Variants in TIE1 observed in about 807,000 individuals in gnomAD.
TIE1 encodes the protein tyrosine-protein kinase receptor Tie-1.
Under a neutral mutation model 130.5 loss-of-function variants are expected in TIE1, and 89 were observed. The observed-to-expected ratio is 0.68, with a 90% CI of 0.57 to 0.81. TIE1 has a LOEUF of 0.81. Among genes scored for constraint, TIE1 ranks in the 40% least tolerant of loss-of-function variants. TIE1 has a pLI of 0.00. For synonymous variants in TIE1, 568 were observed against 629.4 expected (o/e 0.90, Z 1.46); for missense variants, 1,392 against 1,559.8 (o/e 0.89, Z 1.81).
Position 43,307,575 on chromosome 1 carries a change from A to T in TIE1, c.913+3A>T. 6.2e-7 allele frequency: 1 copy of T among 1,614,042 alleles called. No individual in the cohort carries two copies. The highest frequency in any genetic ancestry group is 1.3e-5 in the African/African-American group (1 of 75,030). On this transcript the variant is annotated splice_donor_region_variant and intron_variant, in intron 6 of 22. Transcript: ENST00000372476. The surrounding 1 kb of genome is among the most constrained non-coding windows in gnomAD (Gnocchi z 5.4). ...GAGAGGAAGCCAGTGCCAAGAAGGT[A>T]TGCCTAACCTACCCTCATGGTCCCT...
chr1:43,313,241 TGTG>T lies in TIE1; in HGVS notation c.2036_2038del (p.Val679del). 3.7e-6 allele frequency: 6 copies of T among 1,613,840 alleles called. No individual in the cohort carries two copies. Among genetic ancestry groups the T allele is most frequent in the Non-Finnish European group, 5.1e-6 (6 of 1,179,872 alleles). ...TGCCTGGGCCAATATCCAAGTACGT[TGTG>T]GAGGTGCAGGTGGCTGGGGGTGCAG... is the stretch of plus-strand genomic sequence containing the variant. On this transcript the variant is annotated inframe_deletion, in exon 13 of 23. Coordinates refer to ENST00000372476, the MANE Select transcript of TIE1 (RefSeq NM_005424.5). The surrounding 1 kb of genome is among the most constrained non-coding windows in gnomAD (Gnocchi z 6.2).
In TIE1 at chr1:43,317,210, C is replaced by T. The variant is rs749183315; in HGVS notation, c.2421C>T (p.Thr807=). The change falls in exon 15 of 23, where the codon ACC becomes ACT. Residue 807 remains threonine, a synonymous_variant. Transcript: ENST00000372476. The surrounding 1 kb of genome is among the most constrained non-coding windows in gnomAD (Gnocchi z 5.1). ...FTYQSGSGEE[T]ILQFSSGTLT... is the part of the protein sequence containing the mutation. ...CTCATCCTGTGAAGGGCGAGGAGAC[C>T]ATCCTGCAGTTCAGCTCAGGGACCT... 13 of 1,614,050 alleles carry T rather than the reference C, an allele frequency of 8.1e-6. No individual in the cohort carries two copies. The South Asian group carries it at 1.4e-4, about 18-fold the overall frequency.
Position 43,311,678 on chromosome 1 carries a change from C to A in TIE1, c.1341C>A (p.Pro447=). ...RRFKVNVKVP[P]VPLAAPRLLT... Reference sequence around the variant, plus strand: ...CCCTGAGTCTCCTGGCAGTGCCCCCCGTGCCCCTGGCTGCACCTCGGCTCC... The same window carrying A: ...CCCTGAGTCTCCTGGCAGTGCCCCCAGTGCCCCTGGCTGCACCTCGGCTCC... The change falls in exon 10 of 23, where the codon CCC becomes CCA. Residue 447 remains proline (P), a synonymous_variant. Coordinates refer to ENST00000372476, the MANE Select transcript of TIE1 (RefSeq NM_005424.5). 3.7e-6 allele frequency: 6 copies of A among 1,612,446 alleles called. No individual in the cohort carries two copies. Among genetic ancestry groups the A allele is most frequent in the Non-Finnish European group, 4.2e-6 (5 of 1,179,472 alleles).
Position 43,313,236 on chromosome 1 carries a change from T to C in TIE1, c.2029T>C (p.Tyr677His). ...GGCTCTGCCTGGGCCAATATCCAAG[T>C]ACGTTGTGGAGGTGCAGGTGGCTGG... ...PEALPGPISK[Y>H]VVEVQVAGGA... is the part of the protein sequence containing the mutation. Residue 677 changes from tyrosine to histidine, a missense_variant, in exon 13 of 23, where the codon TAC becomes CAC. Tyr to His is a moderately conservative substitution (Grantham distance 83). This residue lies in a region of TIE1 where 551 missense variants were observed against 565.5 expected (regional missense o/e 0.97). Coordinates refer to ENST00000372476, the MANE Select transcript of TIE1 (RefSeq NM_005424.5). This position sits in a 1 kb window ranked among gnomAD's most constrained non-coding sequence, Gnocchi z 6.2. The C allele has an allele frequency of 6.2e-7, 1 of 1,613,942 alleles. No individual in the cohort carries two copies. The highest frequency in any genetic ancestry group is 8.5e-7 in the Non-Finnish European group (1 of 1,179,888).
chr1:43,313,360 T>C lies in TIE1; in HGVS notation c.2153T>C (p.Met718Thr), dbSNP rs1490936151. Residue 718 changes from methionine (M) to threonine (T), a missense_variant, in exon 13 of 23, where the codon ATG becomes ACG. Physicochemically the swap from Met to Thr is moderately conservative, Grantham distance 81. Around this residue, in one of 6 missense-constraint regions of TIE1, gnomAD observed 551 missense variants for 565.5 expected, o/e 0.97. Coordinates refer to ENST00000372476, the MANE Select transcript of TIE1 (RefSeq NM_005424.5). This position sits in a 1 kb window ranked among gnomAD's most constrained non-coding sequence, Gnocchi z 6.2. ...GCCAGCACGCGCTACCTCTTCCGCA[T>C]GCGGGCCAGCATTCAGGGGCTCGGG... ...LNASTRYLFR[M>T]RASIQGLGDW... 5 of 1,613,876 alleles carry C rather than the reference T, an allele frequency of 3.1e-6. No individual in the cohort carries two copies. The highest frequency in any genetic ancestry group is 4.2e-6 in the Non-Finnish European group (5 of 1,179,942).
intron 10 of TIE1, 63 bp from the exon 11 acceptor site, chr1:43,311,931 G>A (rs1468133884): frequency 6.4e-7 from 1 of 1,564,482 alleles, no homozygotes; most frequent in South Asian, 1.2e-5. Flanking sequence ...GGGCTGAAGG[G>A]AGCATGGCAG....
chr1:43,322,588 C>A lies in TIE1; in HGVS notation c.3346-63C>A. On this transcript the variant is annotated intron_variant, in intron 22 of 22. Transcript: ENST00000372476. This position sits in a 1 kb window ranked among gnomAD's most constrained non-coding sequence, Gnocchi z 4.0. ...CAAATGCCCCCACCACATGGAAGTC[C>A]AGGAGCTTGAGGCCAGATGCACCCC... 2 of 1,357,644 alleles carry A rather than the reference C, an allele frequency of 1.5e-6. No individual in the cohort carries two copies. Among genetic ancestry groups the A allele is most frequent in the Non-Finnish European group, 2.1e-6 (2 of 950,826 alleles). The allele number at this position is 1,357,644 out of a possible 1,614,324, so 84.1% of individuals were successfully genotyped here.
At chr1:43,321,059 AC>A (rs1646914476) in intron 19 of TIE1, among the ~76,000 whole-genome samples, 2 of 150,180 alleles carry the variant, frequency 1.3e-5, no homozygotes, top group African/African-American at 4.9e-5. Flanking sequence ...AAAAAACAAA[AC>A]AAAAGAGCTC....
Position 43,313,483 on chromosome 1 carries a change from C to T in TIE1, c.2218+58C>T, listed in dbSNP as rs766108553. ...CTCTGAGCGGGGAGAGCTCAGCACG[C>T]TCTCCTTCCACATCACCCCCTACTG... On this transcript the variant is annotated intron_variant, in intron 13 of 22. Transcript: ENST00000372476. The surrounding 1 kb of genome is among the most constrained non-coding windows in gnomAD (Gnocchi z 6.2). The T allele has an allele frequency of 6.3e-7, 1 of 1,589,984 alleles. No homozygotes were observed. The highest frequency in any genetic ancestry group is 1.7e-5 in the Admixed American group (1 of 59,246).
In TIE1 at chr1:43,312,619, G is replaced by A. The variant is rs1646811047; in HGVS notation, c.1927+18G>A. ...CCCCAGTGGTATGTGCAAGGCGCAAGGATAGCTGGGGGTTGGGGGAGGACG... is the reference window on the plus strand; with the variant it reads ...CCCCAGTGGTATGTGCAAGGCGCAAAGATAGCTGGGGGTTGGGGGAGGACG... On this transcript the variant is annotated intron_variant, in intron 12 of 22. Transcript: ENST00000372476. The surrounding 1 kb of genome is among the most constrained non-coding windows in gnomAD (Gnocchi z 5.6). The A allele has an allele frequency of 3.8e-6, 6 of 1,575,176 alleles. No homozygotes were observed. Among genetic ancestry groups the A allele is most frequent in the Non-Finnish European group, 5.2e-6 (6 of 1,158,122 alleles).
In TIE1 at chr1:43,313,669, ACAGTC is replaced by A; in HGVS notation, c.2219-107_2219-103del. On this transcript the variant is annotated intron_variant, in intron 13 of 22. Transcript: ENST00000372476. The surrounding 1 kb of genome is among the most constrained non-coding windows in gnomAD (Gnocchi z 6.2). ...TTCATGTGGCCCAAGTGATTTCCTGACAGTCCTGGCACTGGGATCTTTCACCTCTC... is the reference window on the plus strand; with the variant it reads ...TTCATGTGGCCCAAGTGATTTCCTGACTGGCACTGGGATCTTTCACCTCTC... 3 of 1,263,022 alleles carry A rather than the reference ACAGTC, an allele frequency of 2.4e-6. No homozygotes were observed. Among genetic ancestry groups the A allele is most frequent in the Non-Finnish European group, 3.2e-6 (3 of 930,162 alleles). The allele number at this position is 1,263,022 out of a possible 1,614,324, so 78.2% of individuals were successfully genotyped here.
At chr1:43,305,735 C>T (rs1366841898) in intron 3 of TIE1, among the ~76,000 whole-genome samples, 1 of 152,214 alleles carries the variant, frequency 6.6e-6, no homozygotes, top group African/African-American at 2.4e-5. Flanking sequence ...AGAGTCTAGC[C>T]TCTCCCAAAG....
Position 43,319,311 on chromosome 1 carries a change from T to C in TIE1, c.2999T>C (p.Leu1000Pro). ...GCCTCCAAGATTGCAGACTTCGGCC[T>C]TTCTCGGGGAGAGGAGGTTTATGTG... is the stretch of plus-strand genomic sequence containing the variant. ...NLASKIADFG[L>P]SRGEEVYVKK... The change falls in exon 18 of 23, where the codon CTT (leucine) becomes CCT (proline). Residue 1000 changes from leucine (L) to proline (P), a missense_variant. Physicochemically the swap from Leu to Pro is moderately conservative, Grantham distance 98 (BLOSUM62 -3). Coordinates refer to ENST00000372476, the MANE Select transcript of TIE1 (RefSeq NM_005424.5). The surrounding 1 kb of genome is among the most constrained non-coding windows in gnomAD (Gnocchi z 4.7). 4 of 1,613,944 alleles carry C rather than the reference T, an allele frequency of 2.5e-6. No homozygotes were observed. Among genetic ancestry groups the C allele is most frequent in the Non-Finnish European group, 3.4e-6 (4 of 1,179,946 alleles).
intron 1 of TIE1, 116 bp from the exon 2 acceptor site, chr1:43,304,735 G>A (rs1375479437): frequency 5.3e-6 from 6 of 1,124,624 alleles, no homozygotes; most frequent in Non-Finnish European, 5.8e-6. Flanking sequence ...GGTGAAGGTT[G>A]GAGACCCTCT....
chr1:43,314,560 A>T, intron 14 of TIE1: 1 of 991,392 alleles, frequency 1.0e-6, no homozygotes, highest in East Asian at 1.1e-4. Flanking sequence ...GGGCACAGTG[A>T]CTTGCACCTG....
Position 43,304,898 on chromosome 1 carries a change from C to T in TIE1, c.106C>T (p.Pro36Ser), listed in dbSNP as rs924790740. The T allele has an allele frequency of 7.7e-6, 11 of 1,431,070 alleles. No individual in the cohort carries two copies. In the South Asian group the frequency reaches 1.6e-4, roughly 21 times the overall value. The allele number at this position is 1,431,070 out of a possible 1,614,324, so 88.6% of individuals were successfully genotyped here. The part of the protein sequence containing the change: ...TLLANLRLTD[P>S]QRFFLTCVSG... ...GCTGGCCAACCTGCGGCTCACGGAC[C>T]CCCAGCGCTTCTTCCTGACTTGCGT... The change falls in exon 2 of 23, where the codon CCC (proline) becomes TCC (serine). Residue 36 changes from proline to serine, a missense_variant. Pro to Ser is a moderately conservative substitution (Grantham distance 74, BLOSUM62 -1). Transcript: ENST00000372476.
chr1:43,307,952 C>T lies in TIE1; in HGVS notation c.1042+28C>T. On this transcript the variant is annotated intron_variant, in intron 7 of 22. Coordinates refer to ENST00000372476, the MANE Select transcript of TIE1 (RefSeq NM_005424.5). The surrounding 1 kb of genome is among the most constrained non-coding windows in gnomAD (Gnocchi z 5.4). ...ATAAGCACTATGACCTCTGAGAGCCCCCCAAGATAAGTCGGCCTTTACCAA... is the reference window on the plus strand; with the variant it reads ...ATAAGCACTATGACCTCTGAGAGCCTCCCAAGATAAGTCGGCCTTTACCAA... 1.2e-6 allele frequency: 2 copies of T among 1,610,930 alleles called. No individual in the cohort carries two copies.
Position 43,322,414 on chromosome 1 carries a change from G to A in TIE1, c.3346-237G>A, listed in dbSNP as rs1646928969. Reference sequence around the variant, plus strand: ...TAAGCCAAGAATTCATTGAAAGAGTGCATGTAAAAACCCTCCTCTAACAAT... The same window carrying A: ...TAAGCCAAGAATTCATTGAAAGAGTACATGTAAAAACCCTCCTCTAACAAT... On this transcript the variant is annotated intron_variant, in intron 22 of 22. Transcript: ENST00000372476. This position sits in a 1 kb window ranked among gnomAD's most constrained non-coding sequence, Gnocchi z 4.0. Among the ~76,000 whole-genome samples, 1 of 152,214 alleles carries A rather than the reference G, an allele frequency of 6.6e-6. No homozygotes were observed. Among genetic ancestry groups the A allele is most frequent in the Non-Finnish European group, 1.5e-5 (1 of 68,036 alleles).
rs551996784 is a variant in TIE1, at chr1:43,313,095, G to A, written c.1928-40G>A. On this transcript the variant is annotated intron_variant, in intron 12 of 22. Transcript: ENST00000372476. This position sits in a 1 kb window ranked among gnomAD's most constrained non-coding sequence, Gnocchi z 6.2. ...GTCCAGCCCCACAGCTACATAGCCC[G>A]GTCCTATCTGAGCCTTGCCTTCCCC... The A allele has an allele frequency of 1.8e-5, 28 of 1,571,106 alleles. No individual in the cohort carries two copies. Among genetic ancestry groups the A allele is most frequent in the South Asian group, 1.6e-4 (13 of 82,852 alleles).
Sources: allele counts gnomAD v4.1 joint callset (sites outside exome capture counted in the v4.1 genomes callset), GRCh38; gene constraint gnomAD v4.1.1; regional missense constraint gnomAD v4.1.1; non-coding constraint Gnocchi (gnomAD v3.1); transcripts MANE v1.5; gene names NCBI Gene and HGNC (gene_info 2026-07-23, HGNC 2026-07-21).